The following TNPO1 variants were observed in gnomAD, a reference collection of about 807,000 sequenced individuals.
The protein encoded by TNPO1 is transportin-1.
Under a neutral mutation model 119.5 loss-of-function variants are expected in TNPO1, and 8 were observed. The ratio of observed to expected loss-of-function variants is 0.07; its 90% CI spans 0.04 to 0.12. The LOEUF (loss-of-function observed/expected upper bound fraction) is 0.12. Among genes scored for constraint, TNPO1 ranks in the 10% least tolerant of loss-of-function variants. TNPO1 has a pLI of 1.00. For missense variants in TNPO1, 576 were observed against 1,089.8 expected (o/e 0.53, Z 6.64); for synonymous variants, 362 against 363.0 (o/e 1.00, Z 0.03).
chr5:72,902,732 T>A (rs986843255), intron 22 of TNPO1, among the ~76,000 whole-genome samples: 1 of 152,198 alleles, frequency 6.6e-6, no homozygotes, highest in Non-Finnish European at 1.5e-5. Flanking sequence ...TTATAACTTT[T>A]ATTCACATAC....
chr5:72,864,855 C>T (rs1010735877), intron 5 of TNPO1, among the ~76,000 whole-genome samples: 107 of 152,094 alleles, frequency 7.0e-4, no homozygotes, highest in African/African-American at 2.4e-3. Context: ...GTAATCCACC[C>T]GCGTCGGCCT....
At chr5:72,862,065 G>C in intron 5 of TNPO1, 151 bp downstream of exon 5, 2 of 568,030 alleles carry the variant, frequency 3.5e-6, no homozygotes, top group Non-Finnish European at 6.3e-6. Flanking sequence ...TATTACATTT[G>C]TAAATCATTT....
chr5:72,844,222 T>C (rs751470883), intron 1 of TNPO1, among the ~76,000 whole-genome samples: 2 of 152,224 alleles, frequency 1.3e-5, no homozygotes, highest in Non-Finnish European at 2.9e-5. Context: ...ACCATAGATC[T>C]GTAATGAAAA....
rs994652506 is a variant in TNPO1 at position 72,911,432 on chromosome 5, G to C, written c.*2759G>C. 1 of 152,294 alleles carries C rather than the reference G, an allele frequency of 6.6e-6. No homozygotes were observed. The highest frequency in any genetic ancestry group is 1.5e-5 in the Non-Finnish European group (1 of 67,898). The allele number at this position is 152,294 out of a possible 1,614,324, so 9.4% of individuals were successfully genotyped here. ...TTCTTTGTGTATTTTTCCCCCTTGA[G>C]GTTATTGTTTCTTCCTAATTTATAT... On this transcript the variant is annotated 3_prime_UTR_variant, in exon 25 of 25. Coordinates refer to ENST00000337273, the MANE Select transcript of TNPO1 (RefSeq NM_002270.4).
chr5:72,855,954 T>C (rs1258063004), intron 4 of TNPO1, 31 bp downstream of exon 4: 3 of 1,609,068 alleles, frequency 1.9e-6, no homozygotes, highest in Non-Finnish European at 2.5e-6. Context: ...TTTGCTTACT[T>C]TGTTTGTAAC....
intron 22 of TNPO1, among the ~76,000 whole-genome samples, chr5:72,902,741 A>G (rs1263966285): frequency 6.6e-6 from 1 of 152,138 alleles, no homozygotes; most frequent in Non-Finnish European, 1.5e-5. Flanking sequence ...TTATTCACAT[A>G]CCTTATTTTG....
At chr5:72,881,976 C>G (rs1458562159) in intron 9 of TNPO1, among the ~76,000 whole-genome samples, 3 of 152,168 alleles carry the variant, frequency 2.0e-5, no homozygotes, top group African/African-American at 7.2e-5. Flanking sequence ...ACTTCTTTAA[C>G]CCACATCTTG....
At chr5:72,859,254 G>T (rs1746248144) in intron 4 of TNPO1, among the ~76,000 whole-genome samples, 1 of 152,074 alleles carries the variant, frequency 6.6e-6, no homozygotes, top group Non-Finnish European at 1.5e-5. Flanking sequence ...ATTCTTTGTT[G>T]TTGGGCTATT....
At chr5:72,856,058 G>A in intron 4 of TNPO1, 135 bp downstream of exon 4, 1 of 908,992 alleles carries the variant, frequency 1.1e-6, no homozygotes, top group East Asian at 2.6e-5. Flanking sequence ...GCCTTTAAAT[G>A]CTTTTGAAAT....
chr5:72,888,989 C>T (rs979949257), intron 13 of TNPO1, among the ~76,000 whole-genome samples: 4 of 152,004 alleles, frequency 2.6e-5, no homozygotes, highest in South Asian at 2.1e-4. Context: ...CTTAATTTTT[C>T]GAGTAGGTTT....
At chr5:72,828,421 A>G (rs1160260896) in intron 1 of TNPO1, among the ~76,000 whole-genome samples, 2 of 152,258 alleles carry the variant, frequency 1.3e-5, no homozygotes, top group Non-Finnish European at 2.9e-5. Flanking sequence ...GAAAAGTAGT[A>G]CAAATAATTC....
In TNPO1 at chr5:72,896,510, C is replaced by A. The variant is rs758881807; in HGVS notation, c.2196C>A (p.Val732=). ...GTNLNPEFIS[V]CNNATWAIGE... is the part of the protein sequence containing the mutation. ...ACCTAAATCCAGAATTCATTTCAGTCTGCAACAATGCCACATGGGCAATTG... is the reference window on the plus strand; with the variant it reads ...ACCTAAATCCAGAATTCATTTCAGTATGCAACAATGCCACATGGGCAATTG... The change falls in exon 19 of 25, where the codon GTC becomes GTA. Residue 732 remains valine (V), a synonymous_variant. Transcript: ENST00000337273. 6.2e-7 allele frequency: 1 copy of A among 1,611,900 alleles called. No individual in the cohort carries two copies. Among genetic ancestry groups the A allele is most frequent in the Non-Finnish European group, 8.5e-7 (1 of 1,179,672 alleles).
At chr5:72,875,552 G>A (rs1184262041) in intron 7 of TNPO1, 63 bp from the exon 8 acceptor site, 4 of 1,545,002 alleles carry the variant, frequency 2.6e-6, no homozygotes, top group Non-Finnish European at 3.5e-6. Context: ...CCAACTTGCA[G>A]ATTACTTATT....
chr5:72,904,561 C>T (rs546968221), intron 23 of TNPO1, among the ~76,000 whole-genome samples: 4 of 152,052 alleles, frequency 2.6e-5, no homozygotes, highest in African/African-American at 7.3e-5. Flanking sequence ...TTTGGGAGGC[C>T]GAGGCAGGTG....
At chr5:72,824,608 G>A (rs1744122583) in intron 1 of TNPO1, among the ~76,000 whole-genome samples, 1 of 152,152 alleles carries the variant, frequency 6.6e-6, no homozygotes, top group Admixed American at 6.5e-5. Context: ...CTGGTTATCT[G>A]CTGTCTCAGT....
At chr5:72,820,638 C>T (rs972436336) in intron 1 of TNPO1, among the ~76,000 whole-genome samples, 1 of 152,122 alleles carries the variant, frequency 6.6e-6, no homozygotes, top group Admixed American at 6.5e-5. Flanking sequence ...GGGCTCAGAG[C>T]GTTCGAGCCT....
chr5:72,860,247 A>G (rs529828429), intron 4 of TNPO1, among the ~76,000 whole-genome samples: 2 of 152,266 alleles, frequency 1.3e-5, no homozygotes, highest in African/African-American at 2.4e-5. Flanking sequence ...TATATATCCA[A>G]TTGAATTTTC....
intron 4 of TNPO1, among the ~76,000 whole-genome samples, chr5:72,861,396 G>A (rs1371548178): frequency 6.6e-6 from 1 of 152,166 alleles, no homozygotes; most frequent in Admixed American, 6.5e-5. Flanking sequence ...TGATATGGGT[G>A]TTGGTGGTGA....
chr5:72,848,345 C>T, intron 1 of TNPO1, 40 bp from the exon 2 acceptor site: 1 of 1,587,504 alleles, frequency 6.3e-7, no homozygotes, highest in Non-Finnish European at 8.6e-7. Context: ...CCGGGAGTAA[C>T]AGTTGCTCCG....
Sources: allele counts gnomAD v4.1 joint callset (sites outside exome capture counted in the v4.1 genomes callset), GRCh38; gene constraint gnomAD v4.1.1; transcripts MANE v1.5; gene names NCBI Gene and HGNC (gene_info 2026-07-23, HGNC 2026-07-21).